The following NRXN2 variants were observed in gnomAD, a reference collection of about 807,000 sequenced individuals.
NRXN2 encodes neurexin 2, also known as neurexin-2-beta.
NRXN2 carries 29 observed loss-of-function variants against 128.8 expected under a neutral mutation model. The ratio of observed to expected loss-of-function variants is 0.23; its 90% CI spans 0.17 to 0.31. NRXN2 has a LOEUF of 0.31. Among genes scored for constraint, NRXN2 ranks in the 10% least tolerant of loss-of-function variants. The pLI, the probability that NRXN2 is intolerant of heterozygous loss-of-function variation, is 1.00. For synonymous variants in NRXN2, 1,098 were observed against 1,075.2 expected (o/e 1.02, Z -0.41); for missense variants, 1,881 against 2,452.6 (o/e 0.77, Z 4.92).
At chr11:64,668,296 C>T in intron 8 of NRXN2, 147 bp downstream of exon 8, 1 of 1,003,664 alleles carries the variant, frequency 1.0e-6, no homozygotes, top group Non-Finnish European at 1.5e-6. Flanking sequence ...GTCAGTGGGC[C>T]TTAGGTTTTA....
intron 7 of NRXN2, among the ~76,000 whole-genome samples, chr11:64,672,529 G>A (rs1402275455): frequency 6.6e-6 from 1 of 152,140 alleles, no homozygotes; most frequent in Non-Finnish European, 1.5e-5. Flanking sequence ...CTGAGCTTGG[G>A]AGATTCCAAG....
chr11:64,663,808 T>C (rs1200412413), intron 9 of NRXN2, among the ~76,000 whole-genome samples: 3 of 152,064 alleles, frequency 2.0e-5, no homozygotes, highest in Admixed American at 2.0e-4. Context: ...CACCAACAGA[T>C]AGATGGATAA....
chr11:64,607,735 G>A lies in NRXN2; in HGVS notation c.4600C>T (p.Pro1534Ser). 1 of 1,572,728 alleles carries A rather than the reference G, an allele frequency of 6.4e-7. No homozygotes were observed. The change falls in exon 23 of 23, where the codon CCC (proline) becomes TCC (serine). Residue 1534 changes from proline (P) to serine (S), a missense_variant. Pro to Ser is a moderately conservative substitution (Grantham distance 74). Around this residue, in one of 7 missense-constraint regions of NRXN2, gnomAD observed 310 missense variants for 318.2 expected, o/e 0.97. Coordinates refer to ENST00000265459, the MANE Select transcript of NRXN2 (RefSeq NM_015080.4). The part of the protein sequence containing the change: ...TTLLSPRKPA[P>S]RPNLRTDGAT... ...CCATCTGTCCTGAGGTTGGGCCGGG[G>A]AGCGGGTTTGCGGGGTGACAGGAGG...
rs2039921653 is a variant in NRXN2, at chr11:64,607,886, G to A, written c.4449C>T (p.Asp1483=). The A allele has an allele frequency of 2.5e-6, 4 of 1,579,750 alleles. No homozygotes were observed. Among genetic ancestry groups the A allele is most frequent in the Non-Finnish European group, 2.6e-6 (3 of 1,163,754 alleles). The change falls in exon 23 of 23, where the codon GAC becomes GAT. Residue 1483 remains aspartate, a synonymous_variant. Transcript: ENST00000265459. ...SGGPCQAERD[D]SDCEEPIEAS... is the part of the protein sequence containing the mutation. ...CCTCGATGGGCTCCTCGCAGTCGCT[G>A]TCGTCCCGCTCGGCCTGGCACGGGC...
In NRXN2 at chr11:64,685,962, G is replaced by A; in HGVS notation, c.851-15C>T. 2 of 1,614,136 alleles carry A rather than the reference G, an allele frequency of 1.2e-6. No homozygotes were observed. The highest frequency in any genetic ancestry group is 1.7e-6 in the Non-Finnish European group (2 of 1,180,014). ...CTCCTCCTTGCCTGGATGCCGTGGTGTGGGGAAACGGGAGAAGGCTGAATG... is the reference window on the plus strand; with the variant it reads ...CTCCTCCTTGCCTGGATGCCGTGGTATGGGGAAACGGGAGAAGGCTGAATG... On this transcript the variant is annotated splice_polypyrimidine_tract_variant and intron_variant, in intron 5 of 22. Transcript: ENST00000265459.
At chr11:64,638,488 C>A (rs925058661) in intron 17 of NRXN2, among the ~76,000 whole-genome samples, 1 of 152,162 alleles carries the variant, frequency 6.6e-6, no homozygotes, top group Non-Finnish European at 1.5e-5. Context: ...GCTCCGGAGG[C>A]GCCTTCAGCC....
Position 64,626,493 on chromosome 11 carries a change from G to T in NRXN2, c.3817C>A (p.Arg1273=). 6.2e-7 allele frequency: 1 copy of T among 1,613,866 alleles called. No individual in the cohort carries two copies. The highest frequency in any genetic ancestry group is 1.1e-5 in the South Asian group (1 of 91,046). The change falls in exon 20 of 23, where the codon CGA becomes AGA. Residue 1273 remains arginine, a synonymous_variant. Transcript: ENST00000265459. ...TCGAGCAGCCACTCATCTACTACTC[G>T]ACCAAGCCGGTAGGGGATTCTCTGT... is the stretch of plus-strand genomic sequence containing the variant. ...ARQRIPYRLG[R]VVDEWLLDKG...
chr11:64,669,399 C>T (rs1565364534), intron 7 of NRXN2, among the ~76,000 whole-genome samples: 1 of 152,150 alleles, frequency 6.6e-6, no homozygotes, highest in Non-Finnish European at 1.5e-5. Flanking sequence ...TGTCTAATTG[C>T]CTTGTCTACT....
chr11:64,650,346 G>T, intron 15 of NRXN2, 102 bp downstream of exon 15: 1 of 1,190,476 alleles, frequency 8.4e-7, no homozygotes, highest in Non-Finnish European at 1.2e-6. Context: ...GAAACTGGGG[G>T]CAGGGAACCG....
chr11:64,667,515 A>G lies in NRXN2; in HGVS notation c.1533T>C (p.Ala511=). 4.3e-6 allele frequency: 7 copies of G among 1,614,090 alleles called. No homozygotes were observed. Among genetic ancestry groups the G allele is most frequent in the Non-Finnish European group, 5.9e-6 (7 of 1,179,974 alleles). Reference sequence around the variant, plus strand: ...CTAGGGAGATGGAGCCAGTGCGCTTAGCGCTCCAGCGGGGCAGCGCCACAA... The same window carrying G: ...CTAGGGAGATGGAGCCAGTGCGCTTGGCGCTCCAGCGGGGCAGCGCCACAA... ...EAFVALPRWS[A]KRTGSISLDF... The change falls in exon 9 of 23, where the codon GCT becomes GCC. Residue 511 remains alanine (A), a synonymous_variant. Transcript: ENST00000265459. This position sits in a 1 kb window ranked among gnomAD's most constrained non-coding sequence, Gnocchi z 5.6.
intron 22 of NRXN2, among the ~76,000 whole-genome samples, chr11:64,615,313 C>T (rs1354214768): frequency 6.6e-6 from 1 of 152,260 alleles, no homozygotes; most frequent in Non-Finnish European, 1.5e-5. Context: ...CAATCAGGAA[C>T]ACTTGTTTAT....
intron 2 of NRXN2, among the ~76,000 whole-genome samples, chr11:64,702,174 A>G: frequency 1.5e-5 from 2 of 131,960 alleles, no homozygotes; most frequent in African/African-American, 2.9e-5. Context: ...TCCGGGAGGG[A>G]GGTGGAGGGG....
chr11:64,688,669 A>T, intron 5 of NRXN2: 1 of 985,416 alleles, frequency 1.0e-6, no homozygotes, highest in Non-Finnish European at 1.2e-6. Flanking sequence ...CCGGACCGAG[A>T]AAGGAAGATA....
chr11:64,696,057 A>AC (rs200799459), intron 3 of NRXN2, among the ~76,000 whole-genome samples: 3 of 129,722 alleles, frequency 2.3e-5, no homozygotes, highest in Non-Finnish European at 1.6e-5. Flanking sequence ...CCCTTCACTT[A>AC]CCCCCTCTCC....
Position 64,713,167 on chromosome 11 carries a change from A to C in NRXN2, c.533T>G (p.Leu178Arg). ...CTCGCCCAGCTTCAGGTTGGCCAAG[A>C]GGCCGCGGAAGGGCGGCTCGTACTT... Reference protein sequence around the residue: ...TVKYEPPFRGLLANLKLGERP... With the variant: ...TVKYEPPFRGRLANLKLGERP... The change falls in exon 2 of 23, where the codon CTC (leucine) becomes CGC (arginine). Residue 178 changes from leucine to arginine, a missense_variant. This residue lies in a region of NRXN2 where 997 missense variants were observed against 1,240.8 expected (regional missense o/e 0.80). Transcript: ENST00000265459. 4 of 1,461,446 alleles carry C rather than the reference A, an allele frequency of 2.7e-6. No homozygotes were observed. The highest frequency in any genetic ancestry group is 3.6e-6 in the Non-Finnish European group (4 of 1,109,772). The allele number at this position is 1,461,446 out of a possible 1,614,324, so 90.5% of individuals were successfully genotyped here.
Position 64,607,782 on chromosome 11 carries a change from G to A in NRXN2, c.4553C>T (p.Pro1518Leu). Residue 1518 changes from proline (P) to leucine (L), a missense_variant, in exon 23 of 23, where the codon CCC becomes CTC. By Grantham distance (98) the Pro-to-Leu change is moderately conservative (BLOSUM62 -3). This residue lies in a region of NRXN2 where 310 missense variants were observed against 318.2 expected (regional missense o/e 0.97). Coordinates refer to ENST00000265459, the MANE Select transcript of NRXN2 (RefSeq NM_015080.4). Reference sequence around the variant, plus strand: ...GAGGGTGGTGCGGTCCGTGACCAGGGGAAAGGTGGTGTAAAAGTCCTCGTC... The same window carrying A: ...GAGGGTGGTGCGGTCCGTGACCAGGAGAAAGGTGGTGTAAAAGTCCTCGTC... ...TDDEDFYTTF[P>L]LVTDRTTLLS... is the part of the protein sequence containing the mutation. 1 of 1,596,722 alleles carries A rather than the reference G, an allele frequency of 6.3e-7. No homozygotes were observed. The highest frequency in any genetic ancestry group is 1.1e-5 in the South Asian group (1 of 87,958).
chr11:64,718,255 G>A (rs1005630582), intron 1 of NRXN2, among the ~76,000 whole-genome samples: 5 of 151,954 alleles, frequency 3.3e-5, no homozygotes, highest in African/African-American at 7.3e-5. Context: ...CCCTCTCCCC[G>A]CATCCACACA....
At chr11:64,614,113 C>T (rs758359652) in intron 22 of NRXN2, among the ~76,000 whole-genome samples, 4 of 152,232 alleles carry the variant, frequency 2.6e-5, no homozygotes, top group South Asian at 2.1e-4. Context: ...CCACAAGAGT[C>T]AGAAGAGGCC....
intron 20 of NRXN2, 27 bp downstream of exon 20, chr11:64,626,436 A>G: frequency 2.0e-6 from 3 of 1,534,394 alleles, no homozygotes; most frequent in Non-Finnish European, 2.7e-6. Flanking sequence ...AAGTTAATTA[A>G]TTAATTAATT....
Sources: allele counts gnomAD v4.1 joint callset (sites outside exome capture counted in the v4.1 genomes callset), GRCh38; gene constraint gnomAD v4.1.1; regional missense constraint gnomAD v4.1.1; non-coding constraint Gnocchi (gnomAD v3.1); transcripts MANE v1.5; gene names NCBI Gene and HGNC (gene_info 2026-07-23, HGNC 2026-07-21).